CNTNAP2: variants seen among roughly 807,000 people sequenced by gnomAD.
CNTNAP2 encodes the protein contactin associated protein 2, also known as contactin-associated protein-like 2.
A neutral mutation model predicts 155.2 loss-of-function variants in CNTNAP2; 98 were observed. That is an observed-to-expected ratio of 0.63 (90% CI 0.54 to 0.75). The LOEUF is 0.75. Ranked by LOEUF, CNTNAP2 falls within the 30% of genes least tolerant of loss-of-function variation. CNTNAP2 has a pLI of 0.00. For synonymous variants in CNTNAP2, 651 were observed against 631.2 expected (o/e 1.03, Z -0.47); for missense variants, 1,727 against 1,688.1 (o/e 1.02, Z -0.40).
At chr7:146,645,444 G>A (rs940120797) in intron 1 of CNTNAP2, among the ~76,000 whole-genome samples, 1 of 152,128 alleles carries the variant, frequency 6.6e-6, no homozygotes, top group South Asian at 2.1e-4. Flanking sequence ...CCTGGCCACA[G>A]TGCCAGTGGA....
intron 11 of CNTNAP2, among the ~76,000 whole-genome samples, chr7:147,505,273 G>C (rs6970064): frequency 5.3e-5 from 8 of 151,394 alleles, no homozygotes; most frequent in African/African-American, 2.0e-4. Context: ...ATCAATATTT[G>C]CCCAGTGCAA....
chr7:147,123,823 C>T (rs1801169439), intron 6 of CNTNAP2, among the ~76,000 whole-genome samples: 1 of 151,986 alleles, frequency 6.6e-6, no homozygotes, highest in Non-Finnish European at 1.5e-5. Context: ...GGTGGTTCAC[C>T]TGTGCTCAGG....
intron 1 of CNTNAP2, among the ~76,000 whole-genome samples, chr7:146,266,299 G>A (rs1186795047): frequency 6.6e-6 from 1 of 152,144 alleles, no homozygotes; most frequent in African/African-American, 2.4e-5. Flanking sequence ...GATCCTGAGT[G>A]TCTAGCCTTC....
At chr7:146,625,028 T>A (rs1799395973) in intron 1 of CNTNAP2, among the ~76,000 whole-genome samples, 1 of 151,998 alleles carries the variant, frequency 6.6e-6, no homozygotes. Flanking sequence ...TAAATAGATA[T>A]ACAAGTATCT....
chr7:147,182,747 C>G (rs2116503485), intron 8 of CNTNAP2, among the ~76,000 whole-genome samples: 1 of 152,084 alleles, frequency 6.6e-6, no homozygotes, highest in African/African-American at 2.4e-5. Context: ...TATTTCTCTG[C>G]TTTACAATTT....
chr7:146,462,152 A>C (rs1294067205), intron 1 of CNTNAP2, among the ~76,000 whole-genome samples: 1 of 152,208 alleles, frequency 6.6e-6, no homozygotes, highest in Admixed American at 6.5e-5. Flanking sequence ...TGGAGCCAAA[A>C]AGAATAATAC....
chr7:147,335,245 A>G (rs537833849), intron 9 of CNTNAP2, among the ~76,000 whole-genome samples: 1 of 152,318 alleles, frequency 6.6e-6, no homozygotes, highest in African/African-American at 2.4e-5. Context: ...TAATGCTTCT[A>G]ATAGAATAAC....
chr7:147,531,968 G>A (rs553086335), intron 11 of CNTNAP2, among the ~76,000 whole-genome samples: 10 of 151,790 alleles, frequency 6.6e-5, no homozygotes. Context: ...CACCATGTCC[G>A]ACTAATTTTT....
intron 1 of CNTNAP2, among the ~76,000 whole-genome samples, chr7:146,623,978 G>A (rs910667949): frequency 4.6e-5 from 7 of 151,958 alleles, no homozygotes; most frequent in Non-Finnish European, 1.0e-4. Flanking sequence ...CCACCACATA[G>A]TTGTTTTAAT....
At chr7:147,559,223 G>C (rs563755048) in intron 11 of CNTNAP2, among the ~76,000 whole-genome samples, 2 of 152,258 alleles carry the variant, frequency 1.3e-5, no homozygotes, top group East Asian at 3.9e-4. Context: ...GAAAGTGGCT[G>C]GTAGTATATT....
intron 15 of CNTNAP2, among the ~76,000 whole-genome samples, chr7:148,013,566 C>G (rs1458609989): frequency 6.6e-6 from 1 of 152,188 alleles, no homozygotes; most frequent in African/African-American, 2.4e-5. Flanking sequence ...TTAAAAATTT[C>G]TAAGTGGACT....
chr7:147,738,259 CTTAA>C (rs1300230145), intron 13 of CNTNAP2, among the ~76,000 whole-genome samples: 2 of 152,174 alleles, frequency 1.3e-5, no homozygotes, highest in African/African-American at 4.8e-5. Flanking sequence ...ATTACATAAA[CTTAA>C]TTAATAAAGC....
intron 2 of CNTNAP2, among the ~76,000 whole-genome samples, chr7:146,833,654 T>A (rs1044198054): frequency 1.3e-5 from 2 of 152,136 alleles, no homozygotes; most frequent in Non-Finnish European, 2.9e-5. Context: ...CTTTCTTCAG[T>A]CTCTTTTCAC....
intron 12 of CNTNAP2, among the ~76,000 whole-genome samples, chr7:147,580,628 T>G (rs1800481733): frequency 6.6e-6 from 1 of 152,080 alleles, no homozygotes; most frequent in African/African-American, 2.4e-5. Context: ...CATTTTTTTT[T>G]TTTTTGAGAC....
At chr7:146,478,047 G>C (rs1424684010) in intron 1 of CNTNAP2, among the ~76,000 whole-genome samples, 2 of 152,082 alleles carry the variant, frequency 1.3e-5, no homozygotes, top group African/African-American at 2.4e-5. Flanking sequence ...GTTGGTTTGG[G>C]GTTTAGTTAG....
At chr7:146,931,738 A>G (rs962373777) in intron 3 of CNTNAP2, among the ~76,000 whole-genome samples, 3 of 149,906 alleles carry the variant, frequency 2.0e-5, no homozygotes, top group African/African-American at 7.4e-5. Context: ...GACACAATAA[A>G]AAATGATAAA....
intron 13 of CNTNAP2, among the ~76,000 whole-genome samples, chr7:147,648,124 A>T (rs1488855880): frequency 2.0e-5 from 3 of 152,208 alleles, no homozygotes; most frequent in African/African-American, 7.2e-5. Flanking sequence ...GTAGGGGTTT[A>T]AAAATGTTTG....
chr7:146,529,840 C>G (rs1328792471), intron 1 of CNTNAP2, among the ~76,000 whole-genome samples: 1 of 152,070 alleles, frequency 6.6e-6, no homozygotes, highest in African/African-American at 2.4e-5. Context: ...TAGCACGTGC[C>G]TGTAATCCCA....
intron 1 of CNTNAP2, among the ~76,000 whole-genome samples, chr7:146,497,016 G>T (rs539104630): frequency 6.6e-6 from 1 of 152,288 alleles, no homozygotes; most frequent in African/African-American, 2.4e-5. Context: ...AAGGTCCACA[G>T]TACATGTAAT....
Sources: gnomAD v4.1 joint callset for allele counts (sites outside exome capture counted in the v4.1 genomes callset) on GRCh38, gnomAD v4.1.1 for gene constraint, MANE v1.5 for transcripts, NCBI Gene and HGNC (gene_info 2026-07-23, HGNC 2026-07-21) for gene names.